The following ATCAY variants were observed in gnomAD, a reference collection of about 807,000 sequenced individuals.
ATCAY encodes ATCAY kinesin light chain interacting caytaxin, also known as caytaxin.
In ATCAY, 22 loss-of-function variants were observed where a neutral mutation model predicts 47.7. The observed-to-expected ratio is 0.46, with a 90% CI of 0.33 to 0.66. The LOEUF is 0.66. Ranked by LOEUF, ATCAY falls within the 30% of genes least tolerant of loss-of-function variation. The pLI, the probability that ATCAY is intolerant of heterozygous loss-of-function variation, is 0.02. For missense variants in ATCAY, 452 were observed against 515.0 expected (o/e 0.88, Z 1.18); for synonymous variants, 216 against 207.6 (o/e 1.04, Z -0.35).
chr19:3,909,360 A>C (rs1385041542), intron 6 of ATCAY, 126 bp from the exon 7 acceptor site: 1 of 1,110,334 alleles, frequency 9.0e-7, no homozygotes, highest in Non-Finnish European at 1.3e-6. Flanking sequence ...GACAGCAGAC[A>C]ACACCTGGAC....
At position 3,907,980 on chromosome 19, in the gene ATCAY, G is replaced by T. The variant is rs2038879806; in HGVS notation, c.544+61G>T. 1.9e-6 allele frequency: 3 copies of T among 1,555,998 alleles called. No homozygotes were observed. The highest frequency in any genetic ancestry group is 2.6e-6 in the Non-Finnish European group (3 of 1,143,318). On this transcript the variant is annotated intron_variant, in intron 5 of 12. Coordinates refer to ENST00000450849, the MANE Select transcript of ATCAY (RefSeq NM_033064.5). This position sits in a 1 kb window ranked among gnomAD's most constrained non-coding sequence, Gnocchi z 5.1. Reference sequence around the variant, plus strand: ...AGCCCGGCCCACTGGGCAACAGGGGGTTCGTCAGTGCCCCTCTCTGATGCA... The same window carrying T: ...AGCCCGGCCCACTGGGCAACAGGGGTTTCGTCAGTGCCCCTCTCTGATGCA...
chr19:3,912,005 G>T (rs1309631466), intron 8 of ATCAY, among the ~76,000 whole-genome samples: 1 of 152,124 alleles, frequency 6.6e-6, no homozygotes, highest in Non-Finnish European at 1.5e-5. Context: ...AGGCAAAACG[G>T]TAAACACGCA....
intron 2 of ATCAY, among the ~76,000 whole-genome samples, chr19:3,901,221 G>A (rs185951931): frequency 6.6e-6 from 1 of 152,178 alleles, no homozygotes; most frequent in East Asian, 1.9e-4. Context: ...TCTTCTTGAG[G>A]GCAGAACTGT....
rs11309346 is a variant in ATCAY at position 3,907,148 on chromosome 19, G to GA, written c.359-575dup. Among the ~76,000 whole-genome samples, 7,348 of 143,590 alleles carry GA rather than the reference G, an allele frequency of 0.051. 238 individuals are homozygous for GA. The highest frequency in any genetic ancestry group is 0.17 in the South Asian group (761 of 4,534). The allele number at this position is 143,590 out of a possible 152,430, so 94.2% of individuals were successfully genotyped here. A position where few individuals can be genotyped will look rare whatever the true frequency, so the allele number is the denominator to read the frequency against. On this transcript the variant is annotated intron_variant, in intron 4 of 12. Transcript: ENST00000450849. The surrounding 1 kb of genome is among the most constrained non-coding windows in gnomAD (Gnocchi z 5.1). ...GACTCTCTCAAAAAAAAAAAAGAAA[G>GA]AAAAAAAAAAATTAAGGACAATGTA...
chr19:3,921,901 A>AAC (rs1555770324), intron 12 of ATCAY, among the ~76,000 whole-genome samples: 3 of 151,874 alleles, frequency 2.0e-5, no homozygotes, highest in African/African-American at 7.3e-5. Flanking sequence ...TGTTTAAAAA[A>AAC]AAAAAAACAA....
At chr19:3,915,172 T>C (rs1411421367) in intron 9 of ATCAY, among the ~76,000 whole-genome samples, 1 of 152,068 alleles carries the variant, frequency 6.6e-6, no homozygotes, top group Non-Finnish European at 1.5e-5. Flanking sequence ...TTTAATTTTA[T>C]TTATTTATTT....
chr19:3,920,818 G>A lies in ATCAY; in HGVS notation c.1106+20G>A, dbSNP rs202079157. 2 of 1,613,306 alleles carry A rather than the reference G, an allele frequency of 1.2e-6. No homozygotes were observed. The highest frequency in any genetic ancestry group is 2.7e-5 in the African/African-American group (2 of 75,026). The stretch of plus-strand genomic sequence containing the variant: ...AACAAGGTGGGTGTGATGCAGAGTG[G>A]TCTTCGTGCTGTTTTCAAAATGTCC... On this transcript the variant is annotated intron_variant, in intron 12 of 12. Transcript: ENST00000450849.
At chr19:3,901,850 C>A (rs1015522030) in intron 2 of ATCAY, among the ~76,000 whole-genome samples, 1 of 151,948 alleles carries the variant, frequency 6.6e-6, no homozygotes, top group Non-Finnish European at 1.5e-5. Flanking sequence ...CAAAAATTAG[C>A]CGGGCATGGT....
chr19:3,917,731 C>A lies in ATCAY; in HGVS notation c.966-11C>A, dbSNP rs2038978841. On this transcript the variant is annotated splice_polypyrimidine_tract_variant and intron_variant, in intron 9 of 12. Transcript: ENST00000450849. ...GGAAGGTTGTGTCTGACATCTTTTT[C>A]TTTCTTTCAGATACGAAGAGGAAAG... 6.2e-7 allele frequency: 1 copy of A among 1,610,172 alleles called. No individual in the cohort carries two copies. The highest frequency in any genetic ancestry group is 8.5e-7 in the Non-Finnish European group (1 of 1,177,868).
chr19:3,892,776 C>G (rs1329209312), intron 2 of ATCAY, among the ~76,000 whole-genome samples: 1 of 151,910 alleles, frequency 6.6e-6, no homozygotes, highest in African/African-American at 2.4e-5. Flanking sequence ...GGTGTGGTGG[C>G]GGGCACCTGT....
At chr19:3,913,013 C>T (rs143038470) in intron 8 of ATCAY, among the ~76,000 whole-genome samples, 1 of 150,982 alleles carries the variant, frequency 6.6e-6, no homozygotes, top group African/African-American at 2.4e-5. Context: ...TTGGGCCAGG[C>T]AGGGTAGCTC....
intron 6 of ATCAY, 135 bp downstream of exon 6, chr19:3,908,505 G>C: frequency 2.4e-6 from 2 of 816,630 alleles, no homozygotes; most frequent in Non-Finnish European, 2.0e-6. Flanking sequence ...GGTGGCCACA[G>C]ACCTTGATCT....
At chr19:3,909,383 C>A in intron 6 of ATCAY, 103 bp from the exon 7 acceptor site, 1 of 1,410,186 alleles carries the variant, frequency 7.1e-7, no homozygotes, top group South Asian at 1.3e-5. Flanking sequence ...GTGGGGCTGA[C>A]CCAGCCAGCG....
intron 8 of ATCAY, among the ~76,000 whole-genome samples, chr19:3,912,247 A>T (rs2038928588): frequency 6.6e-6 from 1 of 152,098 alleles, no homozygotes; most frequent in Non-Finnish European, 1.5e-5. Context: ...TCGAGATGAG[A>T]GGATCGCTTG....
intron 2 of ATCAY, among the ~76,000 whole-genome samples, chr19:3,887,776 G>A (rs1167747197): frequency 4.7e-5 from 7 of 147,416 alleles, no homozygotes; most frequent in East Asian, 4.3e-4. Flanking sequence ...GTGAGCCATC[G>A]CGCCCTACCA....
At chr19:3,919,688 G>A (rs910884354) in intron 11 of ATCAY, among the ~76,000 whole-genome samples, 4 of 151,780 alleles carry the variant, frequency 2.6e-5, no homozygotes, top group African/African-American at 9.7e-5. Flanking sequence ...CTGGAGCCCA[G>A]GAGGTCAAGG....
At chr19:3,894,625 CA>C (rs56732320) in intron 2 of ATCAY, among the ~76,000 whole-genome samples, 16,123 of 75,168 alleles carry the variant, frequency 0.21, 725 homozygotes, top group South Asian at 0.33. Flanking sequence ...CCTGTGTCTG[CA>C]AAAAAAAAAA....
Position 3,924,614 on chromosome 19 carries a change from G to A in ATCAY, c.*22G>A, listed in dbSNP as rs377184300. 15 of 1,613,266 alleles carry A rather than the reference G, an allele frequency of 9.3e-6. No individual in the cohort carries two copies. Among genetic ancestry groups the A allele is most frequent in the Non-Finnish European group, 1.2e-5 (14 of 1,179,598 alleles). ...CTGAGGCGACGTGAGCATAACAAAG[G>A]ACATGGAAGAAGATTCCAGATGCCA... On this transcript the variant is annotated 3_prime_UTR_variant, in exon 13 of 13. Coordinates refer to ENST00000450849, the MANE Select transcript of ATCAY (RefSeq NM_033064.5).
At chr19:3,881,302 C>T (rs1358671933) in intron 1 of ATCAY, among the ~76,000 whole-genome samples, 1 of 150,536 alleles carries the variant, frequency 6.6e-6, no homozygotes, top group Non-Finnish European at 1.5e-5. Context: ...CAGCTTCTCT[C>T]TGGGACGCTG....
Sources: allele counts gnomAD v4.1 joint callset (sites outside exome capture counted in the v4.1 genomes callset), GRCh38; gene constraint gnomAD v4.1.1; non-coding constraint Gnocchi (gnomAD v3.1); transcripts MANE v1.5; gene names NCBI Gene and HGNC (gene_info 2026-07-23, HGNC 2026-07-21).